The following RANBP2 variants were observed in gnomAD, a reference collection of about 807,000 sequenced individuals.
RANBP2 encodes the protein E3 SUMO-protein ligase RanBP2.
RANBP2 carries 57 observed loss-of-function variants against 303.6 expected under a neutral mutation model. The observed-to-expected ratio is 0.19, with a 90% CI of 0.15 to 0.23. The LOEUF (loss-of-function observed/expected upper bound fraction) is 0.23, where lower values mean the gene tolerates loss of function less well. Among genes scored for constraint, RANBP2 ranks in the 10% least tolerant of loss-of-function variants. The pLI, the probability that RANBP2 is intolerant of heterozygous loss-of-function variation, is 1.00. For synonymous variants in RANBP2, 1,167 were observed against 1,301.5 expected (o/e 0.90, Z 2.23); for missense variants, 3,138 against 3,780.8 (o/e 0.83, Z 4.46).
At chr2:109,711,912 C>T in the RANBP2 span, among the ~76,000 whole-genome samples, 4 of 152,102 alleles carry the variant, frequency 2.6e-5, no homozygotes, top group African/African-American at 4.8e-5. Flanking sequence ...GGCTGCTGCT[C>T]GCTTCTCCCT....
chr2:109,235,256 G>A, the RANBP2 span, among the ~76,000 whole-genome samples: 1 of 152,172 alleles, frequency 6.6e-6, no homozygotes, highest in East Asian at 1.9e-4. Flanking sequence ...GTTCTGGGAG[G>A]ACTGGTTGGT....
the RANBP2 span, among the ~76,000 whole-genome samples, chr2:109,083,628 T>C: frequency 6.6e-6 from 1 of 152,240 alleles, no homozygotes; most frequent in South Asian, 2.1e-4. Flanking sequence ...TGTGCAAATA[T>C]CTCTCGGGGA....
the RANBP2 span, chr2:108,812,698 A>G: frequency 6.2e-7 from 1 of 1,610,140 alleles, no homozygotes; most frequent in Non-Finnish European, 8.5e-7. Context: ...GCTCGTTTAG[A>G]TAATTTACAG....
At chr2:109,320,808 G>A in the RANBP2 span, among the ~76,000 whole-genome samples, 1 of 152,158 alleles carries the variant, frequency 6.6e-6, no homozygotes, top group Non-Finnish European at 1.5e-5. Flanking sequence ...TGCTGTACAT[G>A]GACAGGCAGA....
At chr2:109,185,614 G>T in the RANBP2 span, among the ~76,000 whole-genome samples, 32 of 152,148 alleles carry the variant, frequency 2.1e-4, no homozygotes, top group Non-Finnish European at 3.5e-4. Context: ...TGGCAGAGAA[G>T]CCGGAGCCAA....
the RANBP2 span, among the ~76,000 whole-genome samples, chr2:108,891,042 T>C: frequency 6.6e-6 from 1 of 152,212 alleles, no homozygotes; most frequent in Non-Finnish European, 1.5e-5. Context: ...ATCTCTTTGA[T>C]AAATTTTTCA....
At chr2:108,777,335 C>A (rs375303184) in intron 25 of RANBP2, 104 bp downstream of exon 25, 3 of 532,360 alleles carry the variant, frequency 5.6e-6, no homozygotes, top group Non-Finnish European at 8.9e-6. Flanking sequence ...AAGTTTCTTC[C>A]CTTACCCCCC....
chr2:109,350,827 A>G, the RANBP2 span, among the ~76,000 whole-genome samples: 1 of 152,110 alleles, frequency 6.6e-6, no homozygotes, highest in African/African-American at 2.4e-5. Context: ...CCCTCTGGGG[A>G]ATGTTTTTAT....
the RANBP2 span, among the ~76,000 whole-genome samples, chr2:108,941,095 T>C: frequency 6.6e-6 from 1 of 152,206 alleles, no homozygotes; most frequent in South Asian, 2.1e-4. Context: ...TTCATATACA[T>C]GGAATCGGGC....
the RANBP2 span, among the ~76,000 whole-genome samples, chr2:109,594,206 G>A: frequency 3.3e-5 from 5 of 152,096 alleles, no homozygotes; most frequent in African/African-American, 9.6e-5. Flanking sequence ...TCCTACTTCT[G>A]AATACAGCAC....
chr2:109,687,736 A>G, the RANBP2 span, among the ~76,000 whole-genome samples: 9 of 142,604 alleles, frequency 6.3e-5, no homozygotes, highest in Admixed American at 5.7e-4. Context: ...TCCTCAGGTC[A>G]GGGGATTTTT....
chr2:109,612,825 G>A, the RANBP2 span, among the ~76,000 whole-genome samples: 5 of 152,140 alleles, frequency 3.3e-5, no homozygotes, highest in African/African-American at 1.2e-4. Flanking sequence ...CTGAATCAGG[G>A]AGAAAAATCT....
At chr2:109,393,261 A>T in the RANBP2 span, among the ~76,000 whole-genome samples, 11 of 152,200 alleles carry the variant, frequency 7.2e-5, no homozygotes, top group African/African-American at 2.4e-4. Flanking sequence ...GGAACATGTG[A>T]GTCTGGTCCA....
chr2:108,803,877 A>G, the RANBP2 span, among the ~76,000 whole-genome samples: 1 of 152,210 alleles, frequency 6.6e-6, no homozygotes, highest in East Asian at 1.9e-4. Context: ...TGTTTTTAGT[A>G]TCTTTTAGAT....
chr2:109,545,397 C>G, the RANBP2 span: 2 of 1,535,244 alleles, frequency 1.3e-6, no homozygotes, highest in Non-Finnish European at 1.7e-6. Flanking sequence ...CAAACCTACA[C>G]GCCTTGCGAT....
At chr2:108,852,629 T>C in the RANBP2 span, among the ~76,000 whole-genome samples, 1 of 152,208 alleles carries the variant, frequency 6.6e-6, no homozygotes, top group Non-Finnish European at 1.5e-5. Context: ...GAGGCCGTTA[T>C]CCTTAACAGA....
the RANBP2 span, chr2:109,567,936 G>C: frequency 4.5e-5 from 72 of 1,613,506 alleles, no homozygotes; most frequent in Non-Finnish European, 5.9e-5. Flanking sequence ...TTCAGTTTTA[G>C]AAACCGTATC....
the RANBP2 span, among the ~76,000 whole-genome samples, chr2:109,511,377 A>G: frequency 6.6e-6 from 1 of 152,184 alleles, no homozygotes; most frequent in Non-Finnish European, 1.5e-5. Context: ...ACATGCCCCC[A>G]TCTGGTGACA....
the RANBP2 span, among the ~76,000 whole-genome samples, chr2:109,603,447 G>C: frequency 6.6e-6 from 1 of 151,974 alleles, no homozygotes; most frequent in African/African-American, 2.4e-5. Flanking sequence ...CACCCTGTTA[G>C]CCAAGATGGT....
Sources: allele counts gnomAD v4.1 joint callset (sites outside exome capture counted in the v4.1 genomes callset), GRCh38; gene constraint gnomAD v4.1.1; transcripts MANE v1.5; gene names NCBI Gene and HGNC (gene_info 2026-07-23, HGNC 2026-07-21).